FBN3: variants seen among roughly 807,000 people sequenced by gnomAD.
The protein encoded by FBN3 is fibrillin-3.
In FBN3, 234 loss-of-function variants were observed where a neutral mutation model predicts 330.1. The ratio of observed to expected loss-of-function variants is 0.71; its 90% CI spans 0.64 to 0.79. The LOEUF is 0.79. Among genes scored for constraint, FBN3 ranks in the 30% least tolerant of loss-of-function variants. The probability of loss-of-function intolerance (pLI) is 0.00; values close to 1 mark genes in which losing one functional copy is unlikely to be tolerated. For synonymous variants in FBN3, 1,458 were observed against 1,517.3 expected (o/e 0.96, Z 0.91); for missense variants, 3,606 against 3,886.9 (o/e 0.93, Z 1.92).
chr19:8,104,873 A>T (rs1015169371), intron 38 of FBN3, among the ~76,000 whole-genome samples: 10 of 152,036 alleles, frequency 6.6e-5, no homozygotes, highest in African/African-American at 2.4e-4. Context: ...TGAATTTTAT[A>T]TAACTTTCTT....
rs544023096 is a variant in FBN3, at chr19:8,134,635, C to CA, written c.1591+1325dup. Among the ~76,000 whole-genome samples the CA allele has an allele frequency of 4.7e-3, 714 of 152,146 alleles. 4 individuals are homozygous for CA. The highest frequency in any genetic ancestry group is 0.016 in the African/African-American group (683 of 41,502). ...TAGGCAACACAGTGAGACCCAATCACAAAAAAATAAATACATGGCCGGGCG... is the reference window on the plus strand; with the variant it reads ...TAGGCAACACAGTGAGACCCAATCACAAAAAAAATAAATACATGGCCGGGCG... On this transcript the variant is annotated intron_variant, in intron 13 of 63. Transcript: ENST00000600128.
intron 57 of FBN3, 53 bp from the exon 58 acceptor site, chr19:8,081,533 G>C: frequency 1.3e-6 from 2 of 1,531,154 alleles, no homozygotes; most frequent in Non-Finnish European, 1.8e-6. Context: ...CATTCCCTGG[G>C]GGTGTTCAGG....
chr19:8,090,380 C>T (rs927247742), intron 48 of FBN3, 129 bp from the exon 49 acceptor site: 13 of 996,590 alleles, frequency 1.3e-5, no homozygotes, highest in Non-Finnish European at 1.8e-5. Flanking sequence ...TCAGAACATG[C>T]CATGCCCCTG....
At chr19:8,107,372 G>A (rs910238620) in intron 37 of FBN3, among the ~76,000 whole-genome samples, 2 of 150,016 alleles carry the variant, frequency 1.3e-5, no homozygotes, top group Non-Finnish European at 3.0e-5. Flanking sequence ...ATAAGTGGGG[G>A]GATGGATGAA....
rs1026795175 is a variant in FBN3 at position 8,145,043 on chromosome 19, G to A, written c.446-71C>T. ...GAGAGCTGGGGTTCACAGCAAGCCT[G>A]TCTTCACCCAGGAATCCCCAGGATC... is the stretch of plus-strand genomic sequence containing the variant. On this transcript the variant is annotated intron_variant, in intron 5 of 63. Transcript: ENST00000600128. 28 of 1,282,540 alleles carry A rather than the reference G, an allele frequency of 2.2e-5. No homozygotes were observed. In the Admixed American group the frequency reaches 4.7e-4, roughly 22 times the overall value. The allele number at this position is 1,282,540 out of a possible 1,614,324, so 79.4% of individuals were successfully genotyped here. A position where few individuals can be genotyped will look rare whatever the true frequency, so the allele number is the denominator to read the frequency against.
intron 59 of FBN3, among the ~76,000 whole-genome samples, chr19:8,075,662 C>G (rs1313057340): frequency 6.6e-6 from 1 of 152,260 alleles, no homozygotes; most frequent in Non-Finnish European, 1.5e-5. Flanking sequence ...CTTACCTACC[C>G]TCTCTGTGCC....
chr19:8,126,887 G>A, intron 18 of FBN3, 55 bp from the exon 19 acceptor site: 1 of 1,504,980 alleles, frequency 6.6e-7, no homozygotes. Flanking sequence ...TGCCTTACCT[G>A]GCCAGGACCC....
chr19:8,147,409 C>T lies in FBN3; in HGVS notation c.72G>A (p.Leu24=), dbSNP rs2083576314. 1 of 1,595,694 alleles carries T rather than the reference C, an allele frequency of 6.3e-7. No homozygotes were observed. The highest frequency in any genetic ancestry group is 8.5e-7 in the Non-Finnish European group (1 of 1,172,408). The change falls in exon 2 of 64, where the codon TTG becomes TTA. Residue 24 remains leucine, a synonymous_variant. Transcript: ENST00000600128. ...ARLLLAWSAL[L]CMAGGQGRWD... is the part of the protein sequence containing the mutation. The stretch of plus-strand genomic sequence containing the variant: ...AGCGGCCTTGGCCACCTGCCATGCA[C>T]AACAGGGCCGACCAGGCCAGCAGGA...
chr19:8,111,189 G>A lies in FBN3; in HGVS notation c.4085-6C>T, dbSNP rs1209963405. On this transcript the variant is annotated splice_region_variant and splice_polypyrimidine_tract_variant and intron_variant, in intron 32 of 63. Coordinates refer to ENST00000600128, the MANE Select transcript of FBN3 (RefSeq NM_032447.5). ...CTCGGCACATTCATCCCTGTCTGAG[G>A]GGCCCCAAGATTCGGAGGGCTGGAG... 2 of 1,586,566 alleles carry A rather than the reference G, an allele frequency of 1.3e-6. No individual in the cohort carries two copies. Among genetic ancestry groups the A allele is most frequent in the Admixed American group, 1.7e-5 (1 of 57,764 alleles).
Position 8,081,388 on chromosome 19 carries a change from G to A in FBN3, c.7306C>T (p.Leu2436=). 4 of 1,610,518 alleles carry A rather than the reference G, an allele frequency of 2.5e-6. No individual in the cohort carries two copies. Among genetic ancestry groups the A allele is most frequent in the Non-Finnish European group, 2.5e-6 (3 of 1,178,294 alleles). ...SFLCSCPRGY[L]LEEDGRTCKD... The stretch of plus-strand genomic sequence containing the variant: ...CAGGTCCTGCCATCCTCCTCCAGCA[G>A]GTAGCCTCGGGGACAGCTGCACAGG... The change falls in exon 58 of 64, where the codon CTG becomes TTG. Residue 2436 remains leucine (L), a synonymous_variant. Transcript: ENST00000600128.
chr19:8,108,381 T>G, intron 36 of FBN3, 143 bp from the exon 37 acceptor site: 1 of 636,232 alleles, frequency 1.6e-6, no homozygotes, highest in Non-Finnish European at 2.7e-6. Context: ...CCATATCTCT[T>G]TAGCCTCTTG....
chr19:8,119,530 T>C (rs543359181), intron 25 of FBN3, among the ~76,000 whole-genome samples: 10 of 152,272 alleles, frequency 6.6e-5, no homozygotes, highest in South Asian at 2.1e-4. Flanking sequence ...GTTGTTGTTT[T>C]TGAGATGGAG....
chr19:8,093,341 G>GT (rs2082138331), intron 47 of FBN3, among the ~76,000 whole-genome samples: 3 of 151,836 alleles, frequency 2.0e-5, no homozygotes, highest in Admixed American at 6.6e-5. Context: ...TACAAAAATT[G>GT]GGCCTGGCGC....
At position 8,129,263 on chromosome 19, in the gene FBN3, C is replaced by G. The variant is rs140910868; in HGVS notation, c.2147G>C (p.Gly716Ala). Residue 716 changes from glycine (G) to alanine (A), a missense_variant, in exon 17 of 64, where the codon GGT becomes GCT. By Grantham distance (60) the Gly-to-Ala change is moderately conservative. Transcript: ENST00000600128. The surrounding 1 kb of genome is among the most constrained non-coding windows in gnomAD (Gnocchi z 4.5). ...ACCTGTGCAGTCCTTGCCTGAGGCACCTGCCTCATAACCCAGGTTGCAGAC... is the reference window on the plus strand; with the variant it reads ...ACCTGTGCAGTCCTTGCCTGAGGCAGCTGCCTCATAACCCAGGTTGCAGAC... ...RCVCNLGYEA[G>A]ASGKDCTDVD... 6.2e-7 allele frequency: 1 copy of G among 1,614,050 alleles called. No homozygotes were observed. Among genetic ancestry groups the G allele is most frequent in the African/African-American group, 1.3e-5 (1 of 74,940 alleles).
intron 45 of FBN3, 97 bp downstream of exon 45, chr19:8,095,867 G>T: frequency 1.4e-6 from 1 of 723,978 alleles, no homozygotes. Context: ...AATAATCGGG[G>T]ACTTTCTGGG....
In FBN3 at chr19:8,114,028, G is replaced by A. The variant is rs538277713; in HGVS notation, c.3838+1487C>T. Among the ~76,000 whole-genome samples the A allele has an allele frequency of 4.0e-5, 6 of 151,214 alleles. No homozygotes were observed. The East Asian group carries it at 1.2e-3, about 29-fold the overall frequency. On this transcript the variant is annotated intron_variant, in intron 30 of 63. Coordinates refer to ENST00000600128, the MANE Select transcript of FBN3 (RefSeq NM_032447.5). ...AAATAATAAATAAAATGTAAAACATGAAAAATAAAAAAAAATAGATACACA... is the reference window on the plus strand; with the variant it reads ...AAATAATAAATAAAATGTAAAACATAAAAAATAAAAAAAAATAGATACACA...
In FBN3 at chr19:8,117,298, G is replaced by A; in HGVS notation, c.3464-7C>T. 6.6e-7 allele frequency: 1 copy of A among 1,508,576 alleles called. No homozygotes were observed. The highest frequency in any genetic ancestry group is 9.1e-7 in the Non-Finnish European group (1 of 1,103,142). 93.4% of individuals were successfully genotyped at this position (1,508,576 alleles called of 1,614,324 possible). ...ACCCGGCATTCGTTGATGTCTGCAG[G>A]ATGCAGGGCAGACAGGGGCTGGGGC... On this transcript the variant is annotated splice_polypyrimidine_tract_variant and splice_region_variant and intron_variant, in intron 27 of 63. Coordinates refer to ENST00000600128, the MANE Select transcript of FBN3 (RefSeq NM_032447.5).
Position 8,085,533 on chromosome 19 carries a change from T to C in FBN3, c.6917A>G (p.Gln2306Arg), listed in dbSNP as rs1036928153. The change falls in exon 56 of 64, where the codon CAG becomes CGG. Residue 2306 changes from glutamine (Q) to arginine (R), a missense_variant. Coordinates refer to ENST00000600128, the MANE Select transcript of FBN3 (RefSeq NM_032447.5). The part of the protein sequence containing the change: ...RQGPCFAEVL[Q>R]TMCRSLSSSS... ...GCTGGACAGAGACCGGCACATGGTCTGCAGCACCTCGGCAAAGCAGGGCCC... is the reference window on the plus strand; with the variant it reads ...GCTGGACAGAGACCGGCACATGGTCCGCAGCACCTCGGCAAAGCAGGGCCC... The C allele has an allele frequency of 6.3e-7, 1 of 1,590,018 alleles. No individual in the cohort carries two copies. Among genetic ancestry groups the C allele is most frequent in the South Asian group, 1.1e-5 (1 of 87,482 alleles).
chr19:8,123,052 G>A (rs1202625616), intron 24 of FBN3, among the ~76,000 whole-genome samples: 1 of 151,836 alleles, frequency 6.6e-6, no homozygotes, highest in African/African-American at 2.4e-5. Flanking sequence ...GACACAAGAA[G>A]TGCCCAAAGA....
Sources: allele counts gnomAD v4.1 joint callset (sites outside exome capture counted in the v4.1 genomes callset), GRCh38; gene constraint gnomAD v4.1.1; non-coding constraint Gnocchi (gnomAD v3.1); transcripts MANE v1.5; gene names NCBI Gene and HGNC (gene_info 2026-07-23, HGNC 2026-07-21).